The following EVI5 variants were observed in gnomAD, a reference collection of about 807,000 sequenced individuals.
EVI5 encodes ecotropic viral integration site 5 protein homolog.
EVI5 carries 73 observed loss-of-function variants against 112.0 expected under a neutral mutation model. That is an observed-to-expected ratio of 0.65 (90% confidence interval 0.54 to 0.79). The LOEUF is 0.79. Among genes scored for constraint, EVI5 ranks in the 30% least tolerant of loss-of-function variants. The pLI is 0.00. For missense variants in EVI5, 900 were observed against 968.8 expected, an observed-to-expected ratio of 0.93 and a Z score of 0.94; for synonymous variants, 305 against 319.9, an observed-to-expected ratio of 0.95 and a Z score of 0.50.
intron 1 of EVI5, among the ~76,000 whole-genome samples, chr1:92,742,047 C>T (rs1220284016): frequency 2.0e-5 from 3 of 151,360 alleles, no homozygotes; most frequent in Admixed American, 6.6e-5. Flanking sequence ...CAAATATTTG[C>T]AAATCATATA....
chr1:92,540,681 G>A (rs895943239), intron 19 of EVI5, among the ~76,000 whole-genome samples: 1 of 152,084 alleles, frequency 6.6e-6, no homozygotes, highest in Non-Finnish European at 1.5e-5. Context: ...AAATTTTGAT[G>A]ATGTTCAGCT....
chr1:92,695,504 A>G (rs1558091815), intron 6 of EVI5, 51 bp from the exon 7 acceptor site: 1 of 1,234,174 alleles, frequency 8.1e-7, no homozygotes, highest in Non-Finnish European at 1.1e-6. Context: ...GAGTATTTTA[A>G]ATTAGATTAT....
intron 2 of EVI5, among the ~76,000 whole-genome samples, chr1:92,718,868 C>G (rs1674247571): frequency 6.6e-6 from 1 of 152,070 alleles, no homozygotes; most frequent in Non-Finnish European, 1.5e-5. Context: ...AGGGATATCA[C>G]CACCGATCCC....
intron 1 of EVI5, among the ~76,000 whole-genome samples, chr1:92,754,782 G>C (rs377169947): frequency 2.0e-5 from 3 of 152,200 alleles, no homozygotes; most frequent in African/African-American, 7.2e-5. Context: ...TATTCAATTG[G>C]TTACACAAGT....
intron 13 of EVI5, among the ~76,000 whole-genome samples, chr1:92,651,850 CAAAAA>C (rs35991116): frequency 1.1e-5 from 1 of 90,704 alleles, no homozygotes; most frequent in African/African-American, 5.8e-5. Context: ...GACTCCGTCT[CAAAAA>C]AAAAAAAAAA....
At chr1:92,534,873 C>T (rs1350180817) in intron 19 of EVI5, among the ~76,000 whole-genome samples, 1 of 152,162 alleles carries the variant, frequency 6.6e-6, no homozygotes, top group Non-Finnish European at 1.5e-5. Context: ...GCAAAGACTT[C>T]ATGATTAAAA....
At chr1:92,760,919 G>T (rs572108167) in intron 1 of EVI5, among the ~76,000 whole-genome samples, 2 of 151,496 alleles carry the variant, frequency 1.3e-5, no homozygotes, top group African/African-American at 4.8e-5. Context: ...TTAAACGGGC[G>T]TGGTGGTGGG....
intron 19 of EVI5, among the ~76,000 whole-genome samples, chr1:92,527,553 A>C (rs967701187): frequency 6.6e-6 from 1 of 152,186 alleles, no homozygotes; most frequent in Non-Finnish European, 1.5e-5. Context: ...TTTTACTTAC[A>C]TACATAGTCA....
chr1:92,517,924 G>A (rs1660209796), intron 19 of EVI5, among the ~76,000 whole-genome samples: 1 of 145,832 alleles, frequency 6.9e-6, no homozygotes, highest in Non-Finnish European at 1.5e-5. Context: ...GGGAGACACG[G>A]TCTGGCACTG....
intron 19 of EVI5, among the ~76,000 whole-genome samples, chr1:92,523,670 C>T: frequency 6.6e-6 from 1 of 152,176 alleles, no homozygotes. Context: ...GAGAGACATT[C>T]TCACTGGCTA....
intron 19 of EVI5, among the ~76,000 whole-genome samples, chr1:92,547,484 G>A (rs1428087804): frequency 1.3e-5 from 2 of 152,124 alleles, no homozygotes; most frequent in Admixed American, 1.3e-4. Context: ...CAGAAGGCGA[G>A]AAGTAACTAA....
chr1:92,530,893 C>CA (rs1662758437), intron 19 of EVI5, among the ~76,000 whole-genome samples: 1 of 151,940 alleles, frequency 6.6e-6, no homozygotes, highest in South Asian at 2.1e-4. Flanking sequence ...CAAAGGATCA[C>CA]AACTCCTTGC....
chr1:92,592,756 T>G (rs529125719), intron 18 of EVI5, among the ~76,000 whole-genome samples: 21 of 152,068 alleles, frequency 1.4e-4, no homozygotes, highest in East Asian at 9.6e-4. Context: ...CGATCCCACA[T>G]ACATACAAAC....
intron 18 of EVI5, among the ~76,000 whole-genome samples, chr1:92,592,106 G>A (rs1006335905): frequency 3.9e-5 from 6 of 152,206 alleles, no homozygotes; most frequent in African/African-American, 1.4e-4. Flanking sequence ...AGCCGGGCGT[G>A]GTAGCAGGTG....
intron 2 of EVI5, chr1:92,732,572 T>G (rs1676649925): frequency 5.3e-6 from 1 of 187,046 alleles, no homozygotes; most frequent in Non-Finnish European, 1.1e-5. Context: ...ATCAGAAAGG[T>G]CACAAACTTT....
At chr1:92,598,614 T>C (rs771823609) in intron 18 of EVI5, among the ~76,000 whole-genome samples, 5 of 152,156 alleles carry the variant, frequency 3.3e-5, no homozygotes, top group Non-Finnish European at 7.4e-5. Context: ...ATACATGGCA[T>C]AGTATTGTTT....
At chr1:92,709,917 C>A (rs983166408) in intron 2 of EVI5, among the ~76,000 whole-genome samples, 1 of 151,758 alleles carries the variant, frequency 6.6e-6, no homozygotes, top group Non-Finnish European at 1.5e-5. Flanking sequence ...GGGCGCACTG[C>A]CTGAAAGTCA....
intron 18 of EVI5, among the ~76,000 whole-genome samples, chr1:92,600,896 G>T (rs988562134): frequency 1.3e-5 from 2 of 152,110 alleles, no homozygotes; most frequent in Admixed American, 6.6e-5. Context: ...CCCTTCATTT[G>T]GGTATAGTTT....
upstream of EVI5, among the ~76,000 whole-genome samples, chr1:92,788,869 T>C (rs1001009795): frequency 2.0e-5 from 3 of 152,174 alleles, no homozygotes; most frequent in Admixed American, 6.5e-5. Context: ...AACACCTGGT[T>C]GAGCACTCAA....
Sources: gnomAD v4.1 joint callset for allele counts (sites outside exome capture counted in the v4.1 genomes callset) on GRCh38, gnomAD v4.1.1 for gene constraint, MANE v1.5 for transcripts, NCBI Gene and HGNC (gene_info 2026-07-23, HGNC 2026-07-21) for gene names.